STK32B: variants seen among roughly 807,000 people sequenced by gnomAD.
STK32B encodes serine/threonine kinase 32B, also known as serine/threonine-protein kinase 32B.
In STK32B, 43 loss-of-function variants were observed where a neutral mutation model predicts 52.6. The observed-to-expected ratio is 0.82, with a 90% CI of 0.64 to 1.05. STK32B has a LOEUF of 1.05. STK32B is among the 50% of genes least tolerant of loss of function. STK32B has a pLI of 0.00. For synonymous variants in STK32B, 238 were observed against 204.3 expected (o/e 1.17, Z -1.41); for missense variants, 621 against 534.6 (o/e 1.16, Z -1.59).
At chr4:5,404,176 A>G (rs564246880) in intron 5 of STK32B, among the ~76,000 whole-genome samples, 6 of 152,226 alleles carry the variant, frequency 3.9e-5, no homozygotes, top group South Asian at 2.1e-4. Flanking sequence ...CTTAAGCAAC[A>G]GAAACGTATT....
intron 1 of STK32B, among the ~76,000 whole-genome samples, chr4:5,121,210 A>G (rs1258148041): frequency 6.6e-6 from 1 of 152,202 alleles, no homozygotes; most frequent in Non-Finnish European, 1.5e-5. Flanking sequence ...ACTTCAAATA[A>G]TGGCCTCCAG....
At chr4:5,343,106 C>A (rs1354540748) in intron 4 of STK32B, among the ~76,000 whole-genome samples, 1 of 136,422 alleles carries the variant, frequency 7.3e-6, no homozygotes. Context: ...CCCCCTCCCC[C>A]ACCCCACAAC....
At chr4:5,314,626 C>T (rs1026272230) in intron 3 of STK32B, among the ~76,000 whole-genome samples, 6 of 152,114 alleles carry the variant, frequency 3.9e-5, no homozygotes, top group Non-Finnish European at 5.9e-5. Flanking sequence ...GCCGAAATCA[C>T]GCCATTGCAC....
At chr4:5,039,179 G>C in the STK32B span, among the ~76,000 whole-genome samples, 2 of 151,938 alleles carry the variant, frequency 1.3e-5, no homozygotes, top group East Asian at 3.9e-4. Context: ...ATTTTTGGTA[G>C]AGATGGGGTC....
At chr4:5,479,433 T>G (rs1229882333) in intron 11 of STK32B, among the ~76,000 whole-genome samples, 1 of 152,150 alleles carries the variant, frequency 6.6e-6, no homozygotes, top group African/African-American at 2.4e-5. Context: ...CTAGGGGAAT[T>G]CTAAGAATTG....
intron 1 of STK32B, among the ~76,000 whole-genome samples, chr4:5,069,021 T>TAAA (rs1711595026): frequency 6.6e-6 from 1 of 152,216 alleles, no homozygotes; most frequent in Non-Finnish European, 1.5e-5. Context: ...TGTAGACCTT[T>TAAA]AGTTTGCAAC....
At chr4:5,258,149 A>G (rs1156315783) in intron 3 of STK32B, among the ~76,000 whole-genome samples, 1 of 152,148 alleles carries the variant, frequency 6.6e-6, no homozygotes, top group Non-Finnish European at 1.5e-5. Flanking sequence ...CAGGGACTTC[A>G]TCGCTATTCA....
intron 3 of STK32B, among the ~76,000 whole-genome samples, chr4:5,175,715 G>T (rs755327226): frequency 4.6e-5 from 7 of 152,182 alleles, no homozygotes; most frequent in South Asian, 2.1e-4. Context: ...TGCCCCTACT[G>T]GGGGGTGCCT....
chr4:5,330,900 C>A (rs2108953928), intron 3 of STK32B, among the ~76,000 whole-genome samples: 1 of 152,278 alleles, frequency 6.6e-6, no homozygotes. Flanking sequence ...ATTAAAGCAC[C>A]TGCTAAAAAC....
intron 3 of STK32B, among the ~76,000 whole-genome samples, chr4:5,307,980 T>G (rs187773417): frequency 2.4e-3 from 364 of 152,252 alleles, no homozygotes; most frequent in Non-Finnish European, 3.6e-3. Flanking sequence ...ATGTGATCCA[T>G]CTTCAGGTTT....
chr4:5,050,300 A>G (rs1009969398), upstream of STK32B, among the ~76,000 whole-genome samples: 4 of 152,214 alleles, frequency 2.6e-5, no homozygotes, highest in African/African-American at 9.6e-5. Flanking sequence ...CTTTGCAGAT[A>G]AGAACTCCAA....
intron 1 of STK32B, among the ~76,000 whole-genome samples, chr4:5,138,007 G>A (rs1033787691): frequency 6.6e-6 from 1 of 152,200 alleles, no homozygotes; most frequent in Non-Finnish European, 1.5e-5. Context: ...TTCTCGACAG[G>A]ACATGTGCAT....
Position 5,462,557 on chromosome 4 carries a change from C to T in STK32B, c.909+2329C>T, listed in dbSNP as rs555739844. Among the ~76,000 whole-genome samples, 5 of 152,256 alleles carry T rather than the reference C, an allele frequency of 3.3e-5. No homozygotes were observed. The East Asian group carries it at 9.6e-4, about 29-fold the overall frequency. ...GTGAAAAGCACAGACCTTACTGTCA[C>T]CATCTGTGTCCCCCAAACACCTACA... is the stretch of plus-strand genomic sequence containing the variant. On this transcript the variant is annotated intron_variant, in intron 9 of 11. Coordinates refer to ENST00000282908, the MANE Select transcript of STK32B (RefSeq NM_018401.3).
Position 5,453,564 on chromosome 4 carries a change from G to C in STK32B, c.667-3243G>C, listed in dbSNP as rs1323484544. 6.6e-6 allele frequency among the ~76,000 whole-genome samples: 1 copy of C among 151,992 alleles called. No individual in the cohort carries two copies. The highest frequency in any genetic ancestry group is 1.5e-5 in the Non-Finnish European group (1 of 68,014). On this transcript the variant is annotated intron_variant, in intron 7 of 11. Coordinates refer to ENST00000282908, the MANE Select transcript of STK32B (RefSeq NM_018401.3). This position sits in a 1 kb window ranked among gnomAD's most constrained non-coding sequence, Gnocchi z 4.0. ...GGTAGGGGTGGGACTGTTTTGGGCA[G>C]AACTGTTTATTGAAAAGCAAAAAAG...
At chr4:5,402,235 G>T (rs1392373777) in intron 5 of STK32B, among the ~76,000 whole-genome samples, 1 of 152,248 alleles carries the variant, frequency 6.6e-6, no homozygotes, top group Non-Finnish European at 1.5e-5. Flanking sequence ...CCAGAGAGGG[G>T]TGAACAATTG....
At chr4:5,473,141 C>A (rs751782995) in intron 11 of STK32B, among the ~76,000 whole-genome samples, 12 of 152,196 alleles carry the variant, frequency 7.9e-5, no homozygotes, top group Non-Finnish European at 1.5e-4. Context: ...TCTAATCTCC[C>A]GTCTCCTAGT....
rs373035078 is a variant in STK32B, at chr4:5,380,327, ATC to A, written c.435-17875_435-17874del. Among the ~76,000 whole-genome samples the A allele has an allele frequency of 2.0e-4, 31 of 152,140 alleles. No individual in the cohort carries two copies. In the East Asian group the frequency reaches 4.8e-3, roughly 24 times the overall value. Reference sequence around the variant, plus strand: ...GCTTCCCTCCCAGCCCTCCTCCCGAATCTCTCCAACGCTACCCAAGAGAATGC... The same window carrying A: ...GCTTCCCTCCCAGCCCTCCTCCCGAATCTCCAACGCTACCCAAGAGAATGC... On this transcript the variant is annotated intron_variant, in intron 4 of 11. Coordinates refer to ENST00000282908, the MANE Select transcript of STK32B (RefSeq NM_018401.3). This position sits in a 1 kb window ranked among gnomAD's most constrained non-coding sequence, Gnocchi z 4.3.
At chr4:5,270,265 G>A (rs1482490606) in intron 3 of STK32B, among the ~76,000 whole-genome samples, 2 of 152,188 alleles carry the variant, frequency 1.3e-5, no homozygotes, top group Non-Finnish European at 2.9e-5. Flanking sequence ...GAGCAGGGAA[G>A]CCAGTTTGAG....
At chr4:5,397,998 A>G (rs1577443730) in intron 4 of STK32B, among the ~76,000 whole-genome samples, 1 of 152,202 alleles carries the variant, frequency 6.6e-6, no homozygotes, top group East Asian at 1.9e-4. Context: ...CAAACAATCT[A>G]CTTGCACTTC....
Sources: gnomAD v4.1 joint callset for allele counts (sites outside exome capture counted in the v4.1 genomes callset) on GRCh38, gnomAD v4.1.1 for gene constraint, Gnocchi (gnomAD v3.1) non-coding constraint, MANE v1.5 for transcripts, NCBI Gene and HGNC (gene_info 2026-07-23, HGNC 2026-07-21) for gene names.